The following PCDHGA9 variants were observed in gnomAD, a reference collection of about 807,000 sequenced individuals.
The protein encoded by PCDHGA9 is protocadherin gamma subfamily A, 9.
In PCDHGA9, 37 loss-of-function variants were observed where a neutral mutation model predicts 62.5. The observed-to-expected ratio is 0.59, with a 90% CI of 0.46 to 0.78. The LOEUF is 0.78. PCDHGA9 is among the 30% of genes least tolerant of loss of function. The probability of loss-of-function intolerance (pLI) is 0.00; values close to 1 mark genes in which losing one functional copy is unlikely to be tolerated. For missense variants in PCDHGA9, 1,138 were observed against 1,166.2 expected (o/e 0.98, Z 0.35); for synonymous variants, 459 against 484.6 (o/e 0.95, Z 0.69).
At chr5:141,447,837 G>A (rs952923627) in intron 1 of PCDHGA9, among the ~76,000 whole-genome samples, 10 of 152,170 alleles carry the variant, frequency 6.6e-5, no homozygotes, top group African/African-American at 2.4e-4. Flanking sequence ...TGTAATCCCA[G>A]TGCTTTGGGA....
intron 1 of PCDHGA9, chr5:141,410,314 C>T: frequency 6.2e-7 from 1 of 1,614,036 alleles, no homozygotes; most frequent in Non-Finnish European, 8.5e-7. Context: ...TGCTCTTCCT[C>T]CTCGCCGTGA....
At position 141,489,193 on chromosome 5, in the gene PCDHGA9, G is replaced by A; in HGVS notation, c.2425-5614G>A. The A allele has an allele frequency of 2.2e-6, 3 of 1,369,230 alleles. No individual in the cohort carries two copies. Among genetic ancestry groups the A allele is most frequent in the Non-Finnish European group, 3.0e-6 (3 of 1,000,290 alleles). 84.8% of individuals were successfully genotyped at this position (1,369,230 alleles called of 1,614,324 possible). On this transcript the variant is annotated intron_variant, in intron 1 of 3. Coordinates refer to ENST00000573521, the MANE Select transcript of PCDHGA9 (RefSeq NM_018921.3). The surrounding 1 kb of genome is among the most constrained non-coding windows in gnomAD (Gnocchi z 4.5). ...GCATTCCAAGCCCTGGGTCTACCTT[G>A]GAGACAGGACAGCACAGACTTACTC...
chr5:141,407,158 G>A (rs2094893881), intron 1 of PCDHGA9, among the ~76,000 whole-genome samples: 1 of 152,166 alleles, frequency 6.6e-6, no homozygotes, highest in African/African-American at 2.4e-5. Flanking sequence ...AAGTGTCTGG[G>A]AATCCTTTAT....
chr5:141,480,077 C>T (rs767048249), intron 1 of PCDHGA9, among the ~76,000 whole-genome samples: 2 of 152,142 alleles, frequency 1.3e-5, no homozygotes, highest in Non-Finnish European at 2.9e-5. Flanking sequence ...AAGATTCATG[C>T]ATGATATAAT....
In PCDHGA9 at chr5:141,491,679, T is replaced by G. The variant is rs111288145; in HGVS notation, c.2425-3128T>G. 1 of 1,613,496 alleles carries G rather than the reference T, an allele frequency of 6.2e-7. No individual in the cohort carries two copies. Among genetic ancestry groups the G allele is most frequent in the Non-Finnish European group, 8.5e-7 (1 of 1,179,828 alleles). On this transcript the variant is annotated intron_variant, in intron 1 of 3. Coordinates refer to ENST00000573521, the MANE Select transcript of PCDHGA9 (RefSeq NM_018921.3). The surrounding 1 kb of genome is among the most constrained non-coding windows in gnomAD (Gnocchi z 6.9). ...CTGACGCCATCCGGTCCCGCTCTAA[T>G]ACGCTGCGGGAGCGGAGCCAGGTGA...
At chr5:141,478,808 T>C in intron 1 of PCDHGA9, 1 of 1,459,124 alleles carries the variant, frequency 6.9e-7, no homozygotes, top group African/African-American at 1.4e-5. Flanking sequence ...TCTTTTGCTA[T>C]CACAACTAAC....
Position 141,403,131 on chromosome 5 carries a change from C to T in PCDHGA9, c.179C>T (p.Ala60Val). ...KDLALEPREL[A>V]ERRVRIVSRG... ...CTGGCTCTGGAGCCCCGGGAGCTGG[C>T]GGAGCGCCGAGTCCGCATCGTCTCT... Residue 60 changes from alanine (A) to valine (V), a missense_variant, in exon 1 of 4, where the codon GCG becomes GTG. Physicochemically the swap from Ala to Val is moderately conservative, Grantham distance 64. Transcript: ENST00000573521. 9 of 1,614,034 alleles carry T rather than the reference C, an allele frequency of 5.6e-6. No individual in the cohort carries two copies. The highest frequency in any genetic ancestry group is 6.8e-6 in the Non-Finnish European group (8 of 1,179,906).
chr5:141,474,369 G>C (rs1424130168), intron 1 of PCDHGA9, among the ~76,000 whole-genome samples: 1 of 152,184 alleles, frequency 6.6e-6, no homozygotes, highest in Non-Finnish European at 1.5e-5. Flanking sequence ...AGTAGGTCTA[G>C]AGGAGGGCAT....
intron 1 of PCDHGA9, among the ~76,000 whole-genome samples, chr5:141,405,902 G>A (rs777584362): frequency 2.6e-5 from 4 of 152,084 alleles, no homozygotes; most frequent in Non-Finnish European, 4.4e-5. Flanking sequence ...CTGAAAGGAG[G>A]CATTTATTAG....
At chr5:141,458,870 C>G (rs540373442) in intron 1 of PCDHGA9, among the ~76,000 whole-genome samples, 1 of 152,264 alleles carries the variant, frequency 6.6e-6, no homozygotes, top group South Asian at 2.1e-4. Flanking sequence ...GTAGCTGGGA[C>G]TACAGGCATG....
chr5:141,415,740 GTTTTTTTTTTTT>G lies in PCDHGA9; in HGVS notation c.2424+10385_2424+10396del, dbSNP rs57426385. ...TGAGTAGAATTTGATGTTTATTAAGGTTTTTTTTTTTTTTTTTTTTTTTTTTTTTTTTACTTT... is the reference window on the plus strand; with the variant it reads ...TGAGTAGAATTTGATGTTTATTAAGGTTTTTTTTTTTTTTTTTTTTACTTT... On this transcript the variant is annotated intron_variant, in intron 1 of 3. Transcript: ENST00000573521. The G allele has an allele frequency of 5.3e-4, 329 of 624,896 alleles. 2 individuals are homozygous for G. Among genetic ancestry groups the G allele is most frequent in the African/African-American group, 1.2e-3 (49 of 39,888 alleles). The allele number at this position is 624,896 out of a possible 1,614,324, so 38.7% of individuals were successfully genotyped here.
chr5:141,476,738 C>T lies in PCDHGA9; in HGVS notation c.2425-18069C>T. 6.2e-7 allele frequency: 1 copy of T among 1,614,076 alleles called. No individual in the cohort carries two copies. The highest frequency in any genetic ancestry group is 2.2e-5 in the East Asian group (1 of 44,880). On this transcript the variant is annotated intron_variant, in intron 1 of 3. Transcript: ENST00000573521. This position sits in a 1 kb window ranked among gnomAD's most constrained non-coding sequence, Gnocchi z 7.6. Reference sequence around the variant, plus strand: ...GCGCGCCCTGGACCGAGAACGGGAGCCTAGTCTCCAGTTAGTGCTGACGGC... The same window carrying T: ...GCGCGCCCTGGACCGAGAACGGGAGTCTAGTCTCCAGTTAGTGCTGACGGC...
chr5:141,430,433 T>C (rs1371764261), intron 1 of PCDHGA9, among the ~76,000 whole-genome samples: 2 of 151,080 alleles, frequency 1.3e-5, no homozygotes, highest in Admixed American at 6.6e-5. Context: ...ATACGGTAGA[T>C]TTCCATCCCC....
At chr5:141,424,928 T>C (rs2096848391) in intron 1 of PCDHGA9, among the ~76,000 whole-genome samples, 1 of 152,204 alleles carries the variant, frequency 6.6e-6, no homozygotes, top group South Asian at 2.1e-4. Flanking sequence ...ATCAATTCAG[T>C]CAACACTCTC....
In PCDHGA9 at chr5:141,487,680, A is replaced by G; in HGVS notation, c.2425-7127A>G. On this transcript the variant is annotated intron_variant, in intron 1 of 3. Coordinates refer to ENST00000573521, the MANE Select transcript of PCDHGA9 (RefSeq NM_018921.3). This position sits in a 1 kb window ranked among gnomAD's most constrained non-coding sequence, Gnocchi z 5.0. ...TCTGATCCAGGCATATGGCTAGGCC[A>G]TGTCCTAGAGAGTACTGGCCTCTCA... 6.2e-7 allele frequency: 1 copy of G among 1,609,370 alleles called. No individual in the cohort carries two copies. The highest frequency in any genetic ancestry group is 2.2e-5 in the East Asian group (1 of 44,826).
At chr5:141,438,595 T>C (rs11949887) in intron 1 of PCDHGA9, among the ~76,000 whole-genome samples, 1,254 of 57,838 alleles carry the variant, frequency 0.022, 9 homozygotes, top group Non-Finnish European at 0.023. Flanking sequence ...TACATACATA[T>C]ATATATATAT....
intron 1 of PCDHGA9, among the ~76,000 whole-genome samples, chr5:141,425,459 C>A (rs2096876834): frequency 6.6e-6 from 1 of 152,200 alleles, no homozygotes; most frequent in African/African-American, 2.4e-5. Flanking sequence ...CATCACATTT[C>A]ATGTTATTAA....
At chr5:141,455,860 ATTATTTATTTATTTATTTAT>A (rs145569377) in intron 1 of PCDHGA9, among the ~76,000 whole-genome samples, 117 of 139,848 alleles carry the variant, frequency 8.4e-4, no homozygotes, top group Non-Finnish European at 9.4e-4. Flanking sequence ...AATTTCTTTT[ATTATTTATTTATTTATTTAT>A]TTATTTATTT....
Position 141,404,107 on chromosome 5 carries a change from T to C in PCDHGA9, c.1155T>C (p.Ser385=). 1 of 1,613,552 alleles carries C rather than the reference T, an allele frequency of 6.2e-7. No homozygotes were observed. The highest frequency in any genetic ancestry group is 8.5e-7 in the Non-Finnish European group (1 of 1,179,542). ...GGAAGAATGGTCAAGTTGTCTGTTC[T>C]ATCCAGGAGAATCTATCTTTTACAT... ...DSGKNGQVVC[S]IQENLSFTLE... The change falls in exon 1 of 4, where the codon TCT becomes TCC. Residue 385 remains serine, a synonymous_variant. Transcript: ENST00000573521.
Sources: gnomAD v4.1 joint callset for allele counts (sites outside exome capture counted in the v4.1 genomes callset) on GRCh38, gnomAD v4.1.1 for gene constraint, Gnocchi (gnomAD v3.1) non-coding constraint, MANE v1.5 for transcripts, NCBI Gene and HGNC (gene_info 2026-07-23, HGNC 2026-07-21) for gene names.